GRIP1: variants seen among roughly 807,000 people sequenced by gnomAD.
GRIP1 encodes the protein glutamate receptor-interacting protein 1.
In GRIP1, 45 loss-of-function variants were observed where a neutral mutation model predicts 129.9. That is an observed-to-expected ratio of 0.35 (90% CI 0.27 to 0.44). The LOEUF (loss-of-function observed/expected upper bound fraction) is 0.44, where lower values mean the gene tolerates loss of function less well. GRIP1 is among the 20% of genes least tolerant of loss of function. GRIP1 has a pLI of 1.00. For missense variants in GRIP1, 1,196 were observed against 1,396.8 expected, an observed-to-expected ratio of 0.86 and a Z score of 2.29; for synonymous variants, 530 against 520.8, an observed-to-expected ratio of 1.02 and a Z score of -0.24.
intron 1 of GRIP1, among the ~76,000 whole-genome samples, chr12:66,677,547 C>A (rs1405903757): frequency 2.6e-5 from 4 of 152,074 alleles, no homozygotes; most frequent in Non-Finnish European, 5.9e-5. Flanking sequence ...ACGTCTGTAC[C>A]AATTGTAGAG....
chr12:66,561,236 A>G (rs1277551923), intron 2 of GRIP1, among the ~76,000 whole-genome samples: 1 of 152,164 alleles, frequency 6.6e-6, no homozygotes. Context: ...GGGTACAAAA[A>G]CATTAGAAAG....
intron 24 of GRIP1, among the ~76,000 whole-genome samples, chr12:66,349,796 AC>A: frequency 6.9e-6 from 1 of 144,792 alleles, no homozygotes; most frequent in South Asian, 2.2e-4. Context: ...AGCCTGGGCA[AC>A]ATAGTGAGAC....
intron 1 of GRIP1, among the ~76,000 whole-genome samples, chr12:66,792,982 ATTTAC>A (rs937612717): frequency 6.6e-6 from 1 of 152,158 alleles, no homozygotes; most frequent in African/African-American, 2.4e-5. Context: ...ATATGTAAGT[ATTTAC>A]TTTATTCATG....
chr12:66,618,367 A>G (rs1049861473), intron 1 of GRIP1, among the ~76,000 whole-genome samples: 6 of 152,194 alleles, frequency 3.9e-5, no homozygotes, highest in African/African-American at 1.4e-4. Context: ...GAAGAATTCT[A>G]AGAAACCAAT....
chr12:66,838,084 G>T (rs924207238), intron 1 of GRIP1, among the ~76,000 whole-genome samples: 2 of 151,798 alleles, frequency 1.3e-5, no homozygotes, highest in African/African-American at 4.8e-5. Context: ...TACTCCAGAG[G>T]CTGAGGCAGG....
chr12:66,938,896 G>T (rs893168628), intron 1 of GRIP1, among the ~76,000 whole-genome samples: 7 of 152,300 alleles, frequency 4.6e-5, no homozygotes, highest in African/African-American at 1.7e-4. Context: ...GGTGGAGGTT[G>T]CAGTAAGCCG....
rs560120169 is a variant in GRIP1, at chr12:66,837,619, T to C, written c.58+231431A>G. On this transcript the variant is annotated intron_variant, in intron 1 of 1. Coordinates refer to the GRIP1 transcript ENST00000643019. ...TTACCTTGCAAGCAATGAAAGGCCA[T>C]TGAAAAGTTTCTAAAAGAAAAATAA... 1.0e-3 allele frequency among the ~76,000 whole-genome samples: 156 copies of C among 152,310 alleles called. 3 individuals carry two copies. In the South Asian group the frequency reaches 0.032, roughly 31 times the overall value.
chr12:66,514,148 C>T (rs1234216758), intron 7 of GRIP1, among the ~76,000 whole-genome samples: 1 of 152,128 alleles, frequency 6.6e-6, no homozygotes, highest in East Asian at 1.9e-4. Flanking sequence ...TTCTTGTTTA[C>T]TGTCTGTTTT....
chr12:66,792,346 G>C (rs2038566607), intron 1 of GRIP1, among the ~76,000 whole-genome samples: 1 of 152,004 alleles, frequency 6.6e-6, no homozygotes, highest in South Asian at 2.1e-4. Context: ...TTCTGCCTCA[G>C]TGTCCACACC....
chr12:66,926,969 CA>C (rs1321689621), intron 1 of GRIP1, among the ~76,000 whole-genome samples: 1 of 152,168 alleles, frequency 6.6e-6, no homozygotes, highest in Non-Finnish European at 1.5e-5. Context: ...ATTCATTCAT[CA>C]ATGATTTATT....
At chr12:66,441,136 A>G (rs1565740290) in intron 13 of GRIP1, among the ~76,000 whole-genome samples, 1 of 152,176 alleles carries the variant, frequency 6.6e-6, no homozygotes, top group Non-Finnish European at 1.5e-5. Context: ...ATACTATGGC[A>G]ATGTCTTTCT....
intron 16 of GRIP1, among the ~76,000 whole-genome samples, chr12:66,401,398 C>T (rs538502780): frequency 1.3e-5 from 2 of 151,690 alleles, no homozygotes; most frequent in South Asian, 4.2e-4. Flanking sequence ...CCCAACATGG[C>T]AAAACTCCAT....
At chr12:66,352,151 GA>G (rs1228952781) in intron 24 of GRIP1, among the ~76,000 whole-genome samples, 1 of 152,190 alleles carries the variant, frequency 6.6e-6, no homozygotes, top group Non-Finnish European at 1.5e-5. Flanking sequence ...TGCCCTCATG[GA>G]GTTACATTCT....
In GRIP1 at chr12:66,371,855, G is replaced by T; in HGVS notation, c.2851C>A (p.Gln951Lys). The stretch of plus-strand genomic sequence containing the variant: ...CTGCTGCGCTCCTGGAAGCTGGCCT[G>T]TCGCCCCAGCTGACTGCGAGGTGTT... ...APTPRSQLGRQASFQERSSSR... is the reference protein window; with the variant it reads ...APTPRSQLGRKASFQERSSSR... The change falls in exon 23 of 25, where the codon CAG (glutamine) becomes AAG (lysine). Residue 951 changes from glutamine (Q) to lysine (K), a missense_variant. By Grantham distance (53) the Gln-to-Lys change is moderately conservative (BLOSUM62 1). This residue lies in a region of GRIP1 where 427 missense variants were observed against 463.3 expected (regional missense o/e 0.92). Coordinates refer to ENST00000359742, the MANE Select transcript of GRIP1 (RefSeq NM_001366722.1). 6.2e-7 allele frequency: 1 copy of T among 1,613,836 alleles called. No homozygotes were observed. The highest frequency in any genetic ancestry group is 1.1e-5 in the South Asian group (1 of 91,074).
intron 1 of GRIP1, among the ~76,000 whole-genome samples, chr12:66,815,833 T>TTTCC (rs201841204): frequency 0.39 from 33,089 of 85,190 alleles, 4,224 homozygotes; most frequent in Non-Finnish European, 0.49. Flanking sequence ...TCTTTCTTTC[T>TTTCC]TTCTTTCTTT....
chr12:66,698,965 C>T (rs778017615), intron 1 of GRIP1, among the ~76,000 whole-genome samples: 4 of 152,146 alleles, frequency 2.6e-5, no homozygotes, highest in Non-Finnish European at 5.9e-5. Flanking sequence ...GTGAAGTTCT[C>T]AGTCATGCAG....
At chr12:66,684,260 A>G (rs917564415) in intron 1 of GRIP1, among the ~76,000 whole-genome samples, 1 of 152,200 alleles carries the variant, frequency 6.6e-6, no homozygotes, top group African/African-American at 2.4e-5. Context: ...TGGTCAGAGA[A>G]ATCATAAGCA....
intron 1 of GRIP1, chr12:67,065,324 G>A (rs1297901957): frequency 6.6e-6 from 1 of 152,106 alleles, no homozygotes; most frequent in African/African-American, 2.4e-5. Context: ...GGGTGACAAA[G>A]TGAGACCCTG....
intron 1 of GRIP1, among the ~76,000 whole-genome samples, chr12:66,748,539 G>T (rs1038108769): frequency 6.6e-6 from 1 of 152,108 alleles, no homozygotes; most frequent in Non-Finnish European, 1.5e-5. Flanking sequence ...TGTATCTATC[G>T]TAAGTTCCAA....
Sources: gnomAD v4.1 joint callset for allele counts (sites outside exome capture counted in the v4.1 genomes callset) on GRCh38, gnomAD v4.1.1 for gene constraint, gnomAD v4.1.1 regional missense constraint, MANE v1.5 for transcripts, NCBI Gene and HGNC (gene_info 2026-07-23, HGNC 2026-07-21) for gene names.